The following RALA variants were observed in gnomAD, a reference collection of about 807,000 sequenced individuals.
RALA encodes ras-related protein Ral-A.
A neutral mutation model predicts 24.0 loss-of-function variants in RALA; 5 were observed. The ratio of observed to expected loss-of-function variants is 0.21; its 90% confidence interval spans 0.11 to 0.44. The LOEUF is 0.44. Among genes scored for constraint, RALA ranks in the 20% least tolerant of loss-of-function variants. The pLI is 0.99. For synonymous variants in RALA, 77 were observed against 83.8 expected, an observed-to-expected ratio of 0.92 and a Z score of 0.44; for missense variants, 95 against 241.2, an observed-to-expected ratio of 0.39 and a Z score of 4.01.
rs571692110 is a variant in RALA, at chr7:39,627,053, A to G, written c.-38+3228A>G. Among the ~76,000 whole-genome samples the G allele has an allele frequency of 2.6e-5, 4 of 151,248 alleles. No individual in the cohort carries two copies. The South Asian group carries it at 8.4e-4, about 32-fold the overall frequency. ...CTTTTAAATAGGCTTAATTTGAAGAATGTGTCCATCTCTCTCTCTCTCTCT... is the reference window on the plus strand; with the variant it reads ...CTTTTAAATAGGCTTAATTTGAAGAGTGTGTCCATCTCTCTCTCTCTCTCT... On this transcript the variant is annotated intron_variant, in intron 1 of 4. Coordinates refer to ENST00000005257, the MANE Select transcript of RALA (RefSeq NM_005402.4).
At chr7:39,627,762 C>CT (rs1791519099) in intron 1 of RALA, among the ~76,000 whole-genome samples, 1 of 152,196 alleles carries the variant, frequency 6.6e-6, no homozygotes, top group East Asian at 1.9e-4. Flanking sequence ...TTCTGGATTA[C>CT]TACAGCAGCC....
chr7:39,644,299 A>T (rs1791889223), intron 1 of RALA, among the ~76,000 whole-genome samples: 1 of 151,976 alleles, frequency 6.6e-6, no homozygotes, highest in South Asian at 2.1e-4. Context: ...GCTAATTCAT[A>T]CAGTTAGAAT....
chr7:39,658,716 G>A (rs1173833751), intron 1 of RALA, among the ~76,000 whole-genome samples: 1 of 151,974 alleles, frequency 6.6e-6, no homozygotes, highest in Non-Finnish European at 1.5e-5. Context: ...ACACCTGTAA[G>A]CGAATCTTCC....
At chr7:39,686,837 A>C in intron 2 of RALA, 56 bp downstream of exon 2, 1 of 1,349,666 alleles carries the variant, frequency 7.4e-7, no homozygotes, top group Non-Finnish European at 1.1e-6. Context: ...GTATTTCCCT[A>C]GCTTAGTTTT....
chr7:39,668,347 A>T (rs1792319674), intron 1 of RALA, among the ~76,000 whole-genome samples: 1 of 152,246 alleles, frequency 6.6e-6, no homozygotes, highest in Non-Finnish European at 1.5e-5. Flanking sequence ...TCTCATGGAA[A>T]GTACTTTAAA....
chr7:39,655,528 A>G (rs1342995126), intron 1 of RALA, among the ~76,000 whole-genome samples: 1 of 152,232 alleles, frequency 6.6e-6, no homozygotes, highest in Non-Finnish European at 1.5e-5. Context: ...TAAAATTTAT[A>G]TAGAATAACA....
intron 1 of RALA, among the ~76,000 whole-genome samples, chr7:39,626,669 G>A (rs971761304): frequency 4.6e-5 from 7 of 152,286 alleles, no homozygotes; most frequent in African/African-American, 1.2e-4. Context: ...TGGGTGTCCC[G>A]GTAAAGTATT....
intron 1 of RALA, among the ~76,000 whole-genome samples, chr7:39,648,391 G>A (rs1368655317): frequency 2.0e-5 from 3 of 151,690 alleles, no homozygotes; most frequent in Non-Finnish European, 4.4e-5. Context: ...TGTTTTGCCA[G>A]TAAGTTTTCC....
At chr7:39,640,535 A>G (rs1179791725) in intron 1 of RALA, among the ~76,000 whole-genome samples, 2 of 152,222 alleles carry the variant, frequency 1.3e-5, no homozygotes, top group Admixed American at 1.3e-4. Context: ...TACAGATACA[A>G]ATCTTACATC....
intron 1 of RALA, among the ~76,000 whole-genome samples, chr7:39,630,842 G>A (rs1791585507): frequency 6.6e-6 from 1 of 152,034 alleles, no homozygotes; most frequent in Admixed American, 6.5e-5. Context: ...TCATGCACCA[G>A]TACCACATCA....
At chr7:39,699,306 A>G (rs557648992) in intron 4 of RALA, among the ~76,000 whole-genome samples, 2 of 149,006 alleles carry the variant, frequency 1.3e-5, no homozygotes, top group Non-Finnish European at 3.0e-5. Flanking sequence ...GCGCCCGGCT[A>G]ATTTTTTGTA....
intron 1 of RALA, among the ~76,000 whole-genome samples, chr7:39,665,726 C>T (rs1792276602): frequency 6.6e-6 from 1 of 151,696 alleles, no homozygotes; most frequent in African/African-American, 2.4e-5. Context: ...TTTTCTGTGC[C>T]ACCCGTGAGA....
At chr7:39,648,872 A>G (rs1383042973) in intron 1 of RALA, among the ~76,000 whole-genome samples, 1 of 152,128 alleles carries the variant, frequency 6.6e-6, no homozygotes, top group Non-Finnish European at 1.5e-5. Flanking sequence ...CAGTAGAGGC[A>G]ATAAGTCAAA....
Position 39,706,751 on chromosome 7 carries a change from G to GGTTGTTGC in RALA, c.*506_*507insGTTGTTGC. ...CATGGTTGTTGCATATAGTTAAACTGAGAGTAATTCATCTGTGAATCTGCT... is the reference window on the plus strand; with the variant it reads ...CATGGTTGTTGCATATAGTTAAACTGGTTGTTGCAGAGTAATTCATCTGTGAATCTGCT... On this transcript the variant is annotated 3_prime_UTR_variant, in exon 5 of 5. Coordinates refer to ENST00000005257, the MANE Select transcript of RALA (RefSeq NM_005402.4). 1 of 152,534 alleles carries GGTTGTTGC rather than the reference G, an allele frequency of 6.6e-6. No individual in the cohort carries two copies. The highest frequency in any genetic ancestry group is 1.5e-5 in the Non-Finnish European group (1 of 68,132). 9.4% of individuals were successfully genotyped at this position (152,534 alleles called of 1,614,324 possible).
At chr7:39,648,485 G>C (rs958654472) in intron 1 of RALA, among the ~76,000 whole-genome samples, 2 of 151,974 alleles carry the variant, frequency 1.3e-5, no homozygotes, top group Non-Finnish European at 2.9e-5. Flanking sequence ...CATGTGTCAG[G>C]CACTATCTAA....
At chr7:39,638,611 T>C (rs2115935111) in intron 1 of RALA, among the ~76,000 whole-genome samples, 1 of 152,254 alleles carries the variant, frequency 6.6e-6, no homozygotes, top group Non-Finnish European at 1.5e-5. Flanking sequence ...GCCTGGCTAA[T>C]TTTTTAAATT....
At chr7:39,664,362 C>T (rs1433069589) in intron 1 of RALA, among the ~76,000 whole-genome samples, 1 of 152,182 alleles carries the variant, frequency 6.6e-6, no homozygotes, top group African/African-American at 2.4e-5. Flanking sequence ...TTCATCAATG[C>T]TTTGTCCCTG....
In RALA at chr7:39,630,210, ATTTTTTT is replaced by A. The variant is rs57399698; in HGVS notation, c.-38+6401_-38+6407del. 2.2e-4 allele frequency among the ~76,000 whole-genome samples: 22 copies of A among 100,928 alleles called. No homozygotes were observed. The South Asian group carries it at 4.6e-3, about 21-fold the overall frequency. 66.2% of individuals were successfully genotyped at this position (100,928 alleles called of 152,430 possible). On this transcript the variant is annotated intron_variant, in intron 1 of 4. Coordinates refer to ENST00000005257, the MANE Select transcript of RALA (RefSeq NM_005402.4). ...AGGTGCATGCCACCATGCCTTGCTA[ATTTTTTT>A]TTTTTTTTTTTTTTTGTCAAGATGG...
chr7:39,700,531 C>G (rs1260281298), intron 4 of RALA: 1 of 152,230 alleles, frequency 6.6e-6, no homozygotes, highest in African/African-American at 2.4e-5. Context: ...AGAAAAAGAA[C>G]CAGGCAGAAA....
Sources: gnomAD v4.1 joint callset for allele counts (sites outside exome capture counted in the v4.1 genomes callset) on GRCh38, gnomAD v4.1.1 for gene constraint, MANE v1.5 for transcripts, NCBI Gene and HGNC (gene_info 2026-07-23, HGNC 2026-07-21) for gene names.